Variants in NLGN1 observed in about 807,000 individuals in gnomAD.
The protein encoded by NLGN1 is neuroligin 1.
In NLGN1, 12 loss-of-function variants were observed where a neutral mutation model predicts 65.5. The observed-to-expected ratio is 0.18, with a 90% CI of 0.12 to 0.30. The LOEUF (loss-of-function observed/expected upper bound fraction) is 0.30, where lower values mean the gene tolerates loss of function less well. Among genes scored for constraint, NLGN1 ranks in the 10% least tolerant of loss-of-function variants. NLGN1 has a pLI of 1.00. For synonymous variants in NLGN1, 350 were observed against 359.5 expected (o/e 0.97, Z 0.30); for missense variants, 750 against 1,007.1 (o/e 0.74, Z 3.46).
At chr3:173,430,276 T>C (rs1442251378) in intron 1 of NLGN1, among the ~76,000 whole-genome samples, 1 of 152,184 alleles carries the variant, frequency 6.6e-6, no homozygotes, top group East Asian at 1.9e-4. Flanking sequence ...TTTTTAGTTC[T>C]GGGATGTCCC....
At chr3:174,113,096 TTAAAA>T (rs1015463460) in intron 4 of NLGN1, among the ~76,000 whole-genome samples, 6 of 151,964 alleles carry the variant, frequency 3.9e-5, no homozygotes, top group African/African-American at 9.7e-5. Flanking sequence ...AAGAGGCTAC[TTAAAA>T]TAAAGTAATC....
At chr3:173,850,171 A>G (rs1418902399) in intron 4 of NLGN1, among the ~76,000 whole-genome samples, 1 of 152,148 alleles carries the variant, frequency 6.6e-6, no homozygotes, top group Admixed American at 6.5e-5. Flanking sequence ...TCATTAATAC[A>G]TACTAAGTGA....
At chr3:174,224,633 A>G (rs904600231) in intron 4 of NLGN1, among the ~76,000 whole-genome samples, 9 of 152,126 alleles carry the variant, frequency 5.9e-5, no homozygotes, top group Non-Finnish European at 1.0e-4. Flanking sequence ...CAGGAGGCAG[A>G]GGTTGCAGTG....
chr3:173,539,662 T>TGCACATATATACATACATATATGTGC (rs1738225896), intron 2 of NLGN1, among the ~76,000 whole-genome samples: 2 of 116,134 alleles, frequency 1.7e-5, no homozygotes, highest in Non-Finnish European at 3.2e-5. Flanking sequence ...CATATGTGTA[T>TGCACATATATACATACATATATGTGC]ATATGCACAT....
intron 4 of NLGN1, among the ~76,000 whole-genome samples, chr3:174,167,059 T>C (rs772073546): frequency 6.6e-6 from 1 of 152,124 alleles, no homozygotes; most frequent in Non-Finnish European, 1.5e-5. Flanking sequence ...CCCTTTACAT[T>C]GAGTCCAGGG....
chr3:173,460,749 T>G (rs1208720788), intron 2 of NLGN1, among the ~76,000 whole-genome samples: 2 of 152,138 alleles, frequency 1.3e-5, no homozygotes, highest in African/African-American at 4.8e-5. Context: ...AAATTGTAAT[T>G]TGTTTATAAT....
intron 4 of NLGN1, among the ~76,000 whole-genome samples, chr3:174,076,710 AGAGAGAGAGAGAGAGTGTGT>A (rs1303415747): frequency 1.8e-4 from 25 of 139,116 alleles, no homozygotes; most frequent in African/African-American, 5.8e-4. Flanking sequence ...AGAGAGAGAG[AGAGAGAGAGAGAGAGTGTGT>A]GTGTGTGTGT....
At chr3:173,898,361 G>C (rs1040522790) in intron 4 of NLGN1, among the ~76,000 whole-genome samples, 2 of 152,200 alleles carry the variant, frequency 1.3e-5, no homozygotes, top group African/African-American at 4.8e-5. Context: ...GTGAGGTGCT[G>C]AAGCCAGCTC....
chr3:174,174,213 T>A (rs1202488219), intron 4 of NLGN1, among the ~76,000 whole-genome samples: 2 of 152,128 alleles, frequency 1.3e-5, no homozygotes, highest in East Asian at 1.9e-4. Context: ...AGTTTCTTTA[T>A]ACATTCATTC....
At chr3:173,641,650 G>A (rs1235474810) in intron 3 of NLGN1, among the ~76,000 whole-genome samples, 1 of 152,156 alleles carries the variant, frequency 6.6e-6, no homozygotes, top group Non-Finnish European at 1.5e-5. Context: ...GCCTCAAACT[G>A]AAATTAAGGC....
At chr3:173,992,190 C>T (rs1004628664) in intron 4 of NLGN1, among the ~76,000 whole-genome samples, 8 of 152,000 alleles carry the variant, frequency 5.3e-5, no homozygotes, top group East Asian at 1.9e-4. Context: ...TATTGTTACC[C>T]GCACACACAC....
intron 4 of NLGN1, among the ~76,000 whole-genome samples, chr3:173,976,402 C>A (rs2152384226): frequency 6.6e-6 from 1 of 152,066 alleles, no homozygotes; most frequent in South Asian, 2.1e-4. Context: ...GTGTAAAACT[C>A]ATTGGGAGTA....
intron 4 of NLGN1, among the ~76,000 whole-genome samples, chr3:174,142,150 A>G (rs1290676026): frequency 6.6e-6 from 1 of 152,136 alleles, no homozygotes; most frequent in Admixed American, 6.5e-5. Context: ...ATCATTTTGT[A>G]TGTTTAATAT....
At chr3:173,718,506 T>G (rs568212319) in intron 3 of NLGN1, among the ~76,000 whole-genome samples, 1 of 152,192 alleles carries the variant, frequency 6.6e-6, no homozygotes, top group Non-Finnish European at 1.5e-5. Flanking sequence ...TTATAATCCA[T>G]AAATGAGTTT....
intron 4 of NLGN1, among the ~76,000 whole-genome samples, chr3:174,201,965 T>A (rs1734588678): frequency 2.6e-5 from 4 of 152,154 alleles, no homozygotes; most frequent in Admixed American, 2.6e-4. Context: ...TCTGTGTACT[T>A]CTTATTCTTT....
At chr3:173,876,626 T>C (rs1056424237) in intron 4 of NLGN1, among the ~76,000 whole-genome samples, 7 of 152,084 alleles carry the variant, frequency 4.6e-5, no homozygotes, top group Admixed American at 6.6e-5. Context: ...GGGGCATCTT[T>C]TGTTGCCAGA....
chr3:173,974,757 A>G (rs1717050932), intron 4 of NLGN1, among the ~76,000 whole-genome samples: 1 of 152,082 alleles, frequency 6.6e-6, no homozygotes, highest in Admixed American at 6.6e-5. Context: ...AGTACTTCCT[A>G]CAGCAGGCCC....
At position 173,560,632 on chromosome 3, in the gene NLGN1, A is replaced by G. The variant is rs138958247; in HGVS notation, c.-320-43647A>G. Among the ~76,000 whole-genome samples, 5 of 152,258 alleles carry G rather than the reference A, an allele frequency of 3.3e-5. No homozygotes were observed. The East Asian group carries it at 5.8e-4, about 18-fold the overall frequency. ...ACTAGATTCTTGGGTATATTCTAGC[A>G]TGTTCAAATTTCAGAGGTTTGTAAA... On this transcript the variant is annotated intron_variant, in intron 2 of 6. Coordinates refer to ENST00000457714, the Ensembl canonical transcript of NLGN1.
intron 4 of NLGN1, among the ~76,000 whole-genome samples, chr3:174,200,615 G>C (rs1187277645): frequency 1.3e-5 from 2 of 152,164 alleles, no homozygotes; most frequent in Non-Finnish European, 2.9e-5. Context: ...CAATAGGATA[G>C]ATTTCATAGA....
Sources: gnomAD v4.1 joint callset for allele counts (sites outside exome capture counted in the v4.1 genomes callset) on GRCh38, gnomAD v4.1.1 for gene constraint, MANE v1.5 for transcripts, NCBI Gene and HGNC (gene_info 2026-07-23, HGNC 2026-07-21) for gene names.